DGKI: variants seen among roughly 807,000 people sequenced by gnomAD.
DGKI encodes DAG kinase iota.
A neutral mutation model predicts 147.5 loss-of-function variants in DGKI; 55 were observed. The ratio of observed to expected loss-of-function variants is 0.37; its 90% CI spans 0.30 to 0.47. The LOEUF (loss-of-function observed/expected upper bound fraction) is 0.47, where lower values mean the gene tolerates loss of function less well. Ranked by LOEUF, DGKI falls within the 20% of genes least tolerant of loss-of-function variation. The pLI, the probability that DGKI is intolerant of heterozygous loss-of-function variation, is 1.00. For missense variants in DGKI, 1,007 were observed against 1,323.8 expected (o/e 0.76, Z 3.71); for synonymous variants, 469 against 477.1 (o/e 0.98, Z 0.22).
chr7:137,641,689 A>C (rs1821632261), intron 6 of DGKI, among the ~76,000 whole-genome samples: 1 of 152,230 alleles, frequency 6.6e-6, no homozygotes, highest in Non-Finnish European at 1.5e-5. Context: ...GGTTCCCGGC[A>C]TTTCAGATAA....
intron 3 of DGKI, among the ~76,000 whole-genome samples, chr7:137,658,896 C>T (rs1053157598): frequency 2.6e-5 from 4 of 152,176 alleles, no homozygotes; most frequent in South Asian, 2.1e-4. Context: ...TGAAGTGCAA[C>T]GTTCCGCAGA....
intron 1 of DGKI, among the ~76,000 whole-genome samples, chr7:137,703,480 G>T (rs1320276887): frequency 6.6e-6 from 1 of 152,178 alleles, no homozygotes; most frequent in East Asian, 1.9e-4. Flanking sequence ...GGAAGTGATG[G>T]CCAATGCAAA....
At chr7:137,413,221 G>A (rs894453914) in intron 28 of DGKI, among the ~76,000 whole-genome samples, 13 of 146,514 alleles carry the variant, frequency 8.9e-5, no homozygotes, top group African/African-American at 2.3e-4. Flanking sequence ...AGCGGAGATC[G>A]CGCCACTGCC....
intron 1 of DGKI, among the ~76,000 whole-genome samples, chr7:137,707,586 C>T (rs1449994818): frequency 2.0e-5 from 3 of 152,186 alleles, no homozygotes; most frequent in Non-Finnish European, 4.4e-5. Flanking sequence ...CTTGTGAGAA[C>T]TGGTTGTTTA....
At chr7:137,830,976 C>T (rs968260641) in intron 1 of DGKI, among the ~76,000 whole-genome samples, 1 of 152,172 alleles carries the variant, frequency 6.6e-6, no homozygotes, top group African/African-American at 2.4e-5. Context: ...GATAACTACT[C>T]AGAGTTGTTG....
rs185009038 is a variant in DGKI, at chr7:137,608,038, G to C, written c.1167+928C>G. On this transcript the variant is annotated intron_variant, in intron 10 of 32. Coordinates refer to ENST00000614521, the MANE Select transcript of DGKI (RefSeq NM_001321708.2). The stretch of plus-strand genomic sequence containing the variant: ...GTTTTATTGTAATTAATACATTCTG[G>C]ACAATGCCCATTGTCTTTAGTAATA... 5.8e-3 allele frequency among the ~76,000 whole-genome samples: 884 copies of C among 152,210 alleles called. 11 individuals are homozygous for C. Among genetic ancestry groups the C allele is most frequent in the Non-Finnish European group, 8.6e-3 (587 of 68,006 alleles).
intron 28 of DGKI, among the ~76,000 whole-genome samples, chr7:137,428,140 C>T (rs1418904688): frequency 2.1e-5 from 3 of 142,734 alleles, no homozygotes; most frequent in Non-Finnish European, 4.6e-5. Flanking sequence ...AACATTGATG[C>T]AAAAATCCTC....
intron 21 of DGKI, among the ~76,000 whole-genome samples, chr7:137,517,281 AAGAAAGAAAG>A (rs1816790281): frequency 1.4e-5 from 1 of 70,624 alleles, no homozygotes. Context: ...AGAAAAGAAA[AAGAAAGAAAG>A]AAAGAAAGAA....
intron 1 of DGKI, among the ~76,000 whole-genome samples, chr7:137,746,448 C>T (rs1462696853): frequency 1.3e-5 from 2 of 152,188 alleles, no homozygotes; most frequent in African/African-American, 4.8e-5. Context: ...TCAAGCGTCG[C>T]ATTACATATT....
intron 2 of DGKI, among the ~76,000 whole-genome samples, chr7:137,682,139 G>T (rs1466504662): frequency 6.6e-6 from 1 of 152,170 alleles, no homozygotes; most frequent in South Asian, 2.1e-4. Context: ...TACTGAAGCT[G>T]AGTGTGGTCT....
In DGKI at chr7:137,672,766, CTTTTTTTTTTTTT is replaced by C. The variant is rs60078498; in HGVS notation, c.606+5778_606+5790del. ...TCTCTGTGTGTGTGTCTCTGTGTGT[CTTTTTTTTTTTTT>C]TTTTTTTTTTTTTTTTTTGAGAGGG... On this transcript the variant is annotated intron_variant, in intron 3 of 32. Coordinates refer to ENST00000614521, the MANE Select transcript of DGKI (RefSeq NM_001321708.2). 1.2e-4 allele frequency among the ~76,000 whole-genome samples: 8 copies of C among 65,690 alleles called. No individual in the cohort carries two copies. In the East Asian group the frequency reaches 1.5e-3, roughly 12 times the overall value. 43.1% of individuals were successfully genotyped at this position (65,690 alleles called of 152,430 possible). A position where few individuals can be genotyped will look rare whatever the true frequency, so the allele number is the denominator to read the frequency against.
At chr7:137,789,719 G>A (rs1796791105) in intron 1 of DGKI, among the ~76,000 whole-genome samples, 3 of 152,118 alleles carry the variant, frequency 2.0e-5, no homozygotes, top group South Asian at 2.1e-4. Context: ...CAGTCAGAAC[G>A]GAGAAGCGCA....
At chr7:137,569,790 T>G (rs1818733151) in intron 19 of DGKI, among the ~76,000 whole-genome samples, 1 of 134,888 alleles carries the variant, frequency 7.4e-6, no homozygotes, top group Non-Finnish European at 1.6e-5. Context: ...TCCCTGCATA[T>G]ATCCTTCCTA....
At chr7:137,470,506 T>C (rs1219668894) in intron 23 of DGKI, among the ~76,000 whole-genome samples, 3 of 152,168 alleles carry the variant, frequency 2.0e-5, no homozygotes, top group Admixed American at 1.3e-4. Flanking sequence ...TTCCCTCTCT[T>C]CCAAAATAAA....
At chr7:137,440,167 A>T (rs888059848) in intron 28 of DGKI, among the ~76,000 whole-genome samples, 2 of 152,182 alleles carry the variant, frequency 1.3e-5, no homozygotes, top group African/African-American at 4.8e-5. Context: ...ATACAGAGGA[A>T]ATGCAGAGGA....
At chr7:137,744,261 CT>C (rs1795262515) in intron 1 of DGKI, among the ~76,000 whole-genome samples, 1 of 152,134 alleles carries the variant, frequency 6.6e-6, no homozygotes, top group Non-Finnish European at 1.5e-5. Context: ...GTGAATATCT[CT>C]ATGCACACAG....
chr7:137,709,145 T>TA (rs1794140071), intron 1 of DGKI, among the ~76,000 whole-genome samples: 1 of 152,316 alleles, frequency 6.6e-6, no homozygotes, highest in African/African-American at 2.4e-5. Context: ...CTTTATATAA[T>TA]AAAAATATTT....
chr7:137,747,796 C>G (rs1015537398), intron 1 of DGKI, among the ~76,000 whole-genome samples: 1 of 152,178 alleles, frequency 6.6e-6, no homozygotes, highest in East Asian at 1.9e-4. Flanking sequence ...GGCAGCACAA[C>G]AAAGAGTAGG....
In DGKI at chr7:137,479,470, G is replaced by T. The variant is rs542361173; in HGVS notation, c.2373+5904C>A. Among the ~76,000 whole-genome samples the T allele has an allele frequency of 5.1e-4, 77 of 152,124 alleles. 1 individual carries two copies. The highest frequency in any genetic ancestry group is 7.9e-4 in the Non-Finnish European group (54 of 68,006). ...CAACTGGCACAAATTATATAAAATTGATGAGAAAATGATCTGAACCACTAT... is the reference window on the plus strand; with the variant it reads ...CAACTGGCACAAATTATATAAAATTTATGAGAAAATGATCTGAACCACTAT... On this transcript the variant is annotated intron_variant, in intron 23 of 32. Transcript: ENST00000614521.
Sources: allele counts gnomAD v4.1 joint callset (sites outside exome capture counted in the v4.1 genomes callset), GRCh38; gene constraint gnomAD v4.1.1; transcripts MANE v1.5; gene names NCBI Gene and HGNC (gene_info 2026-07-23, HGNC 2026-07-21).